Variants in TUB observed in about 807,000 individuals in gnomAD.
The protein encoded by TUB is TUB bipartite transcription factor, also known as tubby protein homolog.
TUB carries 33 observed loss-of-function variants against 59.7 expected under a neutral mutation model. That is an observed-to-expected ratio of 0.55 (90% CI 0.42 to 0.74). The LOEUF (loss-of-function observed/expected upper bound fraction) is 0.74, where lower values mean the gene tolerates loss of function less well. TUB is among the 30% of genes least tolerant of loss of function. TUB has a pLI of 0.00. For synonymous variants in TUB, 293 were observed against 256.4 expected (o/e 1.14, Z -1.36); for missense variants, 659 against 672.0 (o/e 0.98, Z 0.21).
At chr11:8,027,432 G>C (rs1341868326) in intron 1 of TUB, among the ~76,000 whole-genome samples, 1 of 152,198 alleles carries the variant, frequency 6.6e-6, no homozygotes, top group Admixed American at 6.5e-5. Flanking sequence ...TCATGTTGTA[G>C]CATATATTTT....
At chr11:8,049,589 A>ATATATATATATATATATATATAT (rs1942899702) in intron 2 of TUB, among the ~76,000 whole-genome samples, 1 of 142,798 alleles carries the variant, frequency 7.0e-6, no homozygotes, top group Admixed American at 6.8e-5. Flanking sequence ...ATAGATAGAT[A>ATATATATATATATATATATATAT]GATAGATAGA....
chr11:8,098,134 C>T (rs922557323), intron 8 of TUB, among the ~76,000 whole-genome samples: 1 of 151,940 alleles, frequency 6.6e-6, no homozygotes, highest in Non-Finnish European at 1.5e-5. Context: ...GTTGCCTTGG[C>T]TCCATGGTCA....
At chr11:8,041,063 T>G (rs1262282969) in intron 2 of TUB, among the ~76,000 whole-genome samples, 1 of 152,230 alleles carries the variant, frequency 6.6e-6, no homozygotes, top group Non-Finnish European at 1.5e-5. Flanking sequence ...AAGGGGCTTC[T>G]CAGGAGTGAG....
At chr11:8,061,039 G>C (rs537175669) in intron 2 of TUB, among the ~76,000 whole-genome samples, 5 of 152,342 alleles carry the variant, frequency 3.3e-5, no homozygotes, top group African/African-American at 1.2e-4. Flanking sequence ...CCAGGCATCA[G>C]GGTGCCCCAT....
intron 5 of TUB, among the ~76,000 whole-genome samples, 156 bp from the exon 6 acceptor site, chr11:8,096,529 G>A (rs1469119205): frequency 6.6e-6 from 1 of 152,216 alleles, no homozygotes; most frequent in African/African-American, 2.4e-5. Context: ...ATGTGTGAAT[G>A]GGAGTCTATA....
chr11:8,081,884 G>A (rs1349785166), intron 1 of TUB, among the ~76,000 whole-genome samples: 1 of 152,176 alleles, frequency 6.6e-6, no homozygotes, highest in South Asian at 2.1e-4. Flanking sequence ...GCCTGTGCAG[G>A]GTGCGCGCAC....
In TUB at chr11:8,081,445, C is replaced by T. The variant is rs1943560053; in HGVS notation, c.-66C>T. ...GGGGCGGCCCGGGAGCTGAGCAGGG[C>T]CCCCGCGCCGGCCCCTCCGGGCCCC... On this transcript the variant is annotated 5_prime_UTR_variant, in exon 1 of 12. Coordinates refer to ENST00000299506, the MANE Select transcript of TUB (RefSeq NM_177972.3). 4 of 1,343,078 alleles carry T rather than the reference C, an allele frequency of 3.0e-6. No homozygotes were observed. Among genetic ancestry groups the T allele is most frequent in the African/African-American group, 1.6e-5 (1 of 63,882 alleles). The allele number at this position is 1,343,078 out of a possible 1,614,324, so 83.2% of individuals were successfully genotyped here.
intron 1 of TUB, among the ~76,000 whole-genome samples, chr11:8,021,865 G>A (rs141100072): frequency 0.098 from 14,708 of 149,794 alleles, 900 homozygotes; most frequent in Non-Finnish European, 0.13. Context: ...GCAGTGAGCC[G>A]AGATCACGCC....
chr11:8,039,431 C>A (rs973453394), intron 1 of TUB: 2 of 368,470 alleles, frequency 5.4e-6, no homozygotes, highest in African/African-American at 6.7e-5. Context: ...CTCATCTGGA[C>A]TGCCTGCCTG....
intron 2 of TUB, among the ~76,000 whole-genome samples, chr11:8,041,009 C>T (rs966045085): frequency 1.3e-5 from 2 of 152,230 alleles, no homozygotes. Flanking sequence ...AGGGTTCTTT[C>T]TCTGTACTGC....
chr11:8,050,567 G>T (rs1942917920), intron 2 of TUB, among the ~76,000 whole-genome samples: 3 of 152,208 alleles, frequency 2.0e-5, no homozygotes, highest in Admixed American at 2.0e-4. Flanking sequence ...GGTGAATAAT[G>T]AAGTTGAGCA....
At chr11:8,021,237 C>A (rs1258272637) in intron 1 of TUB, among the ~76,000 whole-genome samples, 1 of 152,084 alleles carries the variant, frequency 6.6e-6, no homozygotes, top group African/African-American at 2.4e-5. Context: ...CTGAGGTGGG[C>A]AGATCACTTG....
exon 1 of TUB, chr11:8,038,719 G>A: frequency 6.7e-7 from 1 of 1,486,682 alleles, no homozygotes; most frequent in Non-Finnish European, 8.9e-7. Flanking sequence ...GGTGATGGTG[G>A]TTGTTAGTCT....
At chr11:8,019,976 C>A (rs1942398402) in intron 1 of TUB, among the ~76,000 whole-genome samples, 1 of 152,196 alleles carries the variant, frequency 6.6e-6, no homozygotes, top group Non-Finnish European at 1.5e-5. Context: ...CGGCTGCCGG[C>A]GTGGGCGGTT....
intron 2 of TUB, among the ~76,000 whole-genome samples, chr11:8,062,584 A>AT (rs1408343519): frequency 3.3e-5 from 5 of 152,038 alleles, no homozygotes; most frequent in Non-Finnish European, 7.4e-5. Flanking sequence ...CTGGCTCATG[A>AT]TAAGAGCCTT....
chr11:8,023,515 A>T (rs1384102312), intron 1 of TUB, among the ~76,000 whole-genome samples: 1 of 152,222 alleles, frequency 6.6e-6, no homozygotes, highest in Non-Finnish European at 1.5e-5. Flanking sequence ...CAATGCTTCT[A>T]ACACAGAAAT....
intron 4 of TUB, among the ~76,000 whole-genome samples, chr11:8,094,662 A>G (rs1460904398): frequency 6.6e-6 from 1 of 152,208 alleles, no homozygotes; most frequent in African/African-American, 2.4e-5. Context: ...CCTCTGGACC[A>G]CAGACCAGCC....
Position 8,094,124 on chromosome 11 carries a change from A to C in TUB, c.332A>C (p.Lys111Thr). 6.2e-7 allele frequency: 1 copy of C among 1,614,138 alleles called. No individual in the cohort carries two copies. Among genetic ancestry groups the C allele is most frequent in the Non-Finnish European group, 8.5e-7 (1 of 1,180,008 alleles). Residue 111 changes from lysine to threonine, a missense_variant, in exon 4 of 12, where the codon AAG (lysine) becomes ACG (threonine). By Grantham distance (78) the Lys-to-Thr change is moderately conservative. Transcript: ENST00000299506. ...GCACCAGCTTCAGCCAAGAGAACCA[A>C]GGCGGCAGCTACAGCAGGGGGCCAG... Reference protein sequence around the residue: ...PTAPASAKRTKAAATAGGQGG... With the variant: ...PTAPASAKRTTAAATAGGQGG...
intron 2 of TUB, among the ~76,000 whole-genome samples, chr11:8,047,164 C>G (rs1296446192): frequency 1.3e-5 from 2 of 152,102 alleles, no homozygotes. Context: ...TGCACCAGCC[C>G]CCCAAACTCA....
Sources: allele counts gnomAD v4.1 joint callset (sites outside exome capture counted in the v4.1 genomes callset), GRCh38; gene constraint gnomAD v4.1.1; transcripts MANE v1.5; gene names NCBI Gene and HGNC (gene_info 2026-07-23, HGNC 2026-07-21).